PCDH11X: variants seen among roughly 807,000 people sequenced by gnomAD.
PCDH11X encodes the protein protocadherin-11 X-linked.
Under a neutral mutation model 53.3 loss-of-function variants are expected in PCDH11X, and 18 were observed. The ratio of observed to expected loss-of-function variants is 0.34; its 90% CI spans 0.23 to 0.50. The LOEUF is 0.50. Ranked by LOEUF, PCDH11X falls within the 20% of genes least tolerant of loss-of-function variation. PCDH11X has a pLI of 0.98. For missense variants in PCDH11X, 570 were observed against 1,032.4 expected (o/e 0.55, Z 6.14); for synonymous variants, 279 against 393.3 (o/e 0.71, Z 3.44).
chrX:91,889,555 C>T (rs925589493), intron 6 of PCDH11X, among the ~76,000 whole-genome samples: 2 of 112,209 alleles, frequency 1.8e-5, no homozygotes, highest in Non-Finnish European at 3.8e-5. Context: ...TCAGGTGATC[C>T]ACCCGCCTCA....
rs781355272 is a variant in PCDH11X at position 92,618,601 on chromosome X, A to G, written c.3705A>G (p.Pro1235=). Residue 1235 remains proline, a synonymous_variant, in exon 11 of 11, where the codon CCA becomes CCG. Coordinates refer to ENST00000682573, the MANE Select transcript of PCDH11X (RefSeq NM_032968.5). ...LVQATALHHS[P]PSAQASALCY... is the part of the protein sequence containing the mutation. ...AGGCTACTGCACTTCACCACAGCCCACCATCAGCACAGGCCTCAGCCCTCT... is the reference window on the plus strand; with the variant it reads ...AGGCTACTGCACTTCACCACAGCCCGCCATCAGCACAGGCCTCAGCCCTCT... The G allele has an allele frequency of 1.7e-6, 2 of 1,210,390 alleles. No homozygotes were observed. The highest frequency in any genetic ancestry group is 2.2e-6 in the Non-Finnish European group (2 of 895,028).
intron 8 of PCDH11X, among the ~76,000 whole-genome samples, chrX:92,277,018 G>T (rs2068111142): frequency 1.8e-5 from 2 of 111,434 alleles, no homozygotes; most frequent in Admixed American, 1.9e-4. Context: ...GAAACTGTAA[G>T]CTGGACCAGG....
chrX:92,011,197 C>T (rs1180307580), intron 6 of PCDH11X, among the ~76,000 whole-genome samples: 3 of 111,859 alleles, frequency 2.7e-5, no homozygotes, highest in Admixed American at 9.5e-5. Flanking sequence ...CACATGAATG[C>T]GTCTTTATGG....
intron 6 of PCDH11X, among the ~76,000 whole-genome samples, chrX:92,015,735 G>T (rs2062781925): frequency 8.9e-6 from 1 of 111,819 alleles, no homozygotes; most frequent in African/African-American, 3.3e-5. Context: ...TTCCTTCAAT[G>T]AAGTCTTGAA....
intron 6 of PCDH11X, among the ~76,000 whole-genome samples, chrX:92,109,675 G>A (rs1050592116): frequency 6.2e-5 from 7 of 112,130 alleles, no homozygotes; most frequent in South Asian, 3.7e-4. Flanking sequence ...ACCCCTAAAC[G>A]TAATTCCTAC....
At chrX:92,225,942 G>A (rs1214602329) in intron 7 of PCDH11X, among the ~76,000 whole-genome samples, 1 of 111,402 alleles carries the variant, frequency 9.0e-6, no homozygotes, top group Non-Finnish European at 1.9e-5. Flanking sequence ...TTTTTATTTT[G>A]GGGAACAAGT....
At chrX:91,807,488 G>C (rs1237898761) in intron 1 of PCDH11X, among the ~76,000 whole-genome samples, 1 of 111,289 alleles carries the variant, frequency 9.0e-6, no homozygotes, top group African/African-American at 3.3e-5. Context: ...GGGAGAGAGA[G>C]AGAGAGAGAG....
At chrX:92,446,055 T>C (rs1202562267) in intron 9 of PCDH11X, among the ~76,000 whole-genome samples, 6 of 109,766 alleles carry the variant, frequency 5.5e-5, no homozygotes, top group African/African-American at 2.0e-4. Context: ...TCTCAATATG[T>C]CACCAAAGCC....
At position 92,614,837 on chromosome X, in the gene PCDH11X, G is replaced by T. The variant is rs143495718; in HGVS notation, c.3368-3427G>T. ...AAATTCCTAATCCAGGTCGGAGAGC[G>T]AGTGCTCCACATGCCTAGAGATATG... On this transcript the variant is annotated intron_variant, in intron 10 of 10. Coordinates refer to ENST00000682573, the MANE Select transcript of PCDH11X (RefSeq NM_032968.5). 6.3e-5 allele frequency among the ~76,000 whole-genome samples: 7 copies of T among 111,932 alleles called. No individual in the cohort carries two copies. The South Asian group carries it at 2.6e-3, about 42-fold the overall frequency.
chrX:92,207,344 C>G (rs1250270538), intron 7 of PCDH11X, among the ~76,000 whole-genome samples: 1 of 110,995 alleles, frequency 9.0e-6, no homozygotes, highest in African/African-American at 3.3e-5. Flanking sequence ...TGATCGTTTC[C>G]CCTTCCACAG....
At chrX:91,890,950 C>A (rs1432276679) in intron 6 of PCDH11X, among the ~76,000 whole-genome samples, 2 of 105,516 alleles carry the variant, frequency 1.9e-5, no homozygotes, top group Non-Finnish European at 3.9e-5. Context: ...GAGGATACAT[C>A]CAATTTTCAG....
chrX:92,422,071 G>C (rs1386324591), intron 9 of PCDH11X, among the ~76,000 whole-genome samples: 1 of 109,060 alleles, frequency 9.2e-6, no homozygotes, highest in African/African-American at 3.3e-5. Context: ...TTATTAGACA[G>C]TGATTTTAAG....
intron 9 of PCDH11X, chrX:92,459,769 G>C: frequency 3.4e-6 from 4 of 1,171,118 alleles, no homozygotes. Context: ...CGCGGCCAGC[G>C]TCTATGCAGG....
intron 10 of PCDH11X, among the ~76,000 whole-genome samples, chrX:92,565,229 A>G (rs1187931577): frequency 5.3e-5 from 5 of 95,015 alleles, no homozygotes; most frequent in African/African-American, 1.9e-4. Context: ...CAAAAATAAA[A>G]AAAAAAAAGA....
intron 6 of PCDH11X, among the ~76,000 whole-genome samples, chrX:92,082,639 G>A (rs1206965538): frequency 9.2e-6 from 1 of 108,293 alleles, no homozygotes; most frequent in African/African-American, 3.3e-5. Context: ...GTGAAAGCTA[G>A]TACATGACTA....
At chrX:92,021,702 C>T (rs2062887167) in intron 6 of PCDH11X, among the ~76,000 whole-genome samples, 2 of 102,519 alleles carry the variant, frequency 2.0e-5, no homozygotes, top group Admixed American at 1.1e-4. Context: ...GAAGATCAAC[C>T]CCAGAACACA....
At chrX:92,509,297 C>T (rs748516341) in intron 10 of PCDH11X, among the ~76,000 whole-genome samples, 1 of 111,116 alleles carries the variant, frequency 9.0e-6, no homozygotes, top group Non-Finnish European at 1.9e-5. Flanking sequence ...GGGGGTGCAG[C>T]TGAATGGGTA....
At chrX:92,094,131 ATATGTGTG>A (rs1318389775) in intron 6 of PCDH11X, among the ~76,000 whole-genome samples, 620 of 55,485 alleles carry the variant, frequency 0.011, 6 homozygotes, top group African/African-American at 0.052. Flanking sequence ...CAAAAAAGTA[ATATGTGTG>A]TGTGTGTGTG....
At chrX:91,973,613 C>CTTTTTTTTT (rs750179369) in intron 6 of PCDH11X, among the ~76,000 whole-genome samples, 70 of 88,267 alleles carry the variant, frequency 7.9e-4, no homozygotes, top group African/African-American at 2.9e-3. Flanking sequence ...GTATATACAA[C>CTTTTTTTTT]TTTTTTTTTT....
Sources: gnomAD v4.1 joint callset for allele counts (sites outside exome capture counted in the v4.1 genomes callset) on GRCh38, gnomAD v4.1.1 for gene constraint, MANE v1.5 for transcripts, NCBI Gene and HGNC (gene_info 2026-07-23, HGNC 2026-07-21) for gene names.